CNKSR3: variants seen among roughly 807,000 people sequenced by gnomAD.
The protein encoded by CNKSR3 is connector enhancer of kinase suppressor of ras 3.
CNKSR3 carries 36 observed loss-of-function variants against 67.7 expected under a neutral mutation model. That is an observed-to-expected ratio of 0.53 (90% CI 0.41 to 0.70). The LOEUF is 0.70. Among genes scored for constraint, CNKSR3 ranks in the 30% least tolerant of loss-of-function variants. The probability of loss-of-function intolerance (pLI) is 0.00; values close to 1 mark genes in which losing one functional copy is unlikely to be tolerated. For missense variants in CNKSR3, 630 were observed against 695.2 expected (o/e 0.91, Z 1.05); for synonymous variants, 281 against 271.4 (o/e 1.04, Z -0.35).
rs1025378605 is a variant in CNKSR3, at chr6:154,406,151, C to T, written c.*203G>A. 2 of 580,530 alleles carry T rather than the reference C, an allele frequency of 3.4e-6. No homozygotes were observed. The highest frequency in any genetic ancestry group is 3.7e-5 in the African/African-American group (2 of 53,592). 36.0% of individuals were successfully genotyped at this position (580,530 alleles called of 1,614,324 possible). ...ACCCATTTCCCTCCTTTTGTCTCCA[C>T]AAGCCAGCACCTAAGATCCTCTGAA... On this transcript the variant is annotated 3_prime_UTR_variant, in exon 13 of 13. Coordinates refer to ENST00000607772, the MANE Select transcript of CNKSR3 (RefSeq NM_173515.4).
At position 154,422,955 on chromosome 6, in the gene CNKSR3, T is replaced by C; in HGVS notation, c.758A>G (p.His253Arg). The C allele has an allele frequency of 6.2e-7, 1 of 1,613,142 alleles. No individual in the cohort carries two copies. Among genetic ancestry groups the C allele is most frequent in the Non-Finnish European group, 8.5e-7 (1 of 1,179,358 alleles). ...NSPADRSQKI[H>R]AGDEVIQVNQ... ...AACTTGAATGACTTCGTCACCAGCA[T>C]GAATCTTCTGAGATCTGTCTGCAGG... is the stretch of plus-strand genomic sequence containing the variant. Residue 253 changes from histidine to arginine, a missense_variant, in exon 8 of 13, where the codon CAT becomes CGT. Physicochemically the swap from His to Arg is conservative, Grantham distance 29 (BLOSUM62 0). Transcript: ENST00000607772.
intron 1 of CNKSR3, among the ~76,000 whole-genome samples, chr6:154,501,943 A>G (rs1012630674): frequency 6.6e-5 from 10 of 152,210 alleles, no homozygotes; most frequent in African/African-American, 1.9e-4. Flanking sequence ...CTGTATAACA[A>G]CAAAAGGGTG....
intron 1 of CNKSR3, among the ~76,000 whole-genome samples, chr6:154,481,195 A>G (rs1786560104): frequency 6.6e-6 from 1 of 151,116 alleles, no homozygotes; most frequent in Admixed American, 6.6e-5. Flanking sequence ...AGTCAGTTCT[A>G]ATTTATTTGA....
chr6:154,503,476 T>A (rs1181579389), intron 1 of CNKSR3, among the ~76,000 whole-genome samples: 1 of 151,880 alleles, frequency 6.6e-6, no homozygotes, highest in Admixed American at 6.6e-5. Flanking sequence ...ATTTTTTTTT[T>A]AATTAGCCAG....
chr6:154,510,178 C>G lies in CNKSR3; in HGVS notation c.-64G>C. 6.3e-7 allele frequency: 1 copy of G among 1,596,706 alleles called. No homozygotes were observed. The highest frequency in any genetic ancestry group is 8.6e-7 in the Non-Finnish European group (1 of 1,165,636). ...AGATAAAGTGCTGCTGCCTGCGCTC[C>G]GGTGCCCCTTCCCGGGAGGGCGCGC... On this transcript the variant is annotated 5_prime_UTR_variant, in exon 1 of 13. Coordinates refer to ENST00000607772, the MANE Select transcript of CNKSR3 (RefSeq NM_173515.4).
At chr6:154,461,437 A>G (rs995323078) in intron 1 of CNKSR3, among the ~76,000 whole-genome samples, 1 of 152,330 alleles carries the variant, frequency 6.6e-6, no homozygotes, top group South Asian at 2.1e-4. Flanking sequence ...AGATTAAACA[A>G]TTGTAAAATA....
chr6:154,438,338 C>T (rs751121127), intron 4 of CNKSR3, among the ~76,000 whole-genome samples: 1 of 151,958 alleles, frequency 6.6e-6, no homozygotes, highest in South Asian at 2.1e-4. Flanking sequence ...CATATTACTT[C>T]GTATACAAGT....
chr6:154,428,045 C>G, intron 7 of CNKSR3, 83 bp downstream of exon 7: 1 of 889,286 alleles, frequency 1.1e-6, no homozygotes, highest in Non-Finnish European at 1.9e-6. Context: ...AGCATGCACA[C>G]GTTTAAATTC....
intron 9 of CNKSR3, among the ~76,000 whole-genome samples, chr6:154,421,987 CTTTTT>C (rs34269095): frequency 3.1e-5 from 4 of 127,330 alleles, no homozygotes; most frequent in Admixed American, 8.1e-5. Flanking sequence ...TCATTTCATT[CTTTTT>C]TTTTTTTTTT....
chr6:154,427,981 C>T (rs549306632), intron 7 of CNKSR3, 147 bp downstream of exon 7: 1 of 622,900 alleles, frequency 1.6e-6, no homozygotes, highest in African/African-American at 1.8e-5. Flanking sequence ...ACAAGCAGTA[C>T]TCTATCAACA....
At position 154,399,079 on chromosome 6, in the gene CNKSR3, CA is replaced by C. The variant is rs746545116; in HGVS notation, c.*7274del. On this transcript the variant is annotated 3_prime_UTR_variant, in exon 13 of 13. Coordinates refer to ENST00000607772, the MANE Select transcript of CNKSR3 (RefSeq NM_173515.4). ...GGGCAACAAGACTGAAACTCCGTCT[CA>C]AAAAAAAAAAAAAAAGTGTGTCCAA... 15,889 of 112,666 alleles carry C rather than the reference CA, an allele frequency of 0.14. 989 individuals are homozygous for C. Among genetic ancestry groups the C allele is most frequent in the Admixed American group, 0.29 (3,482 of 11,946 alleles). The allele number at this position is 112,666 out of a possible 1,614,324, so 7.0% of individuals were successfully genotyped here. A position where few individuals can be genotyped will look rare whatever the true frequency, so the allele number is the denominator to read the frequency against.
intron 4 of CNKSR3, among the ~76,000 whole-genome samples, chr6:154,436,563 G>T (rs1025137577): frequency 6.6e-6 from 1 of 152,020 alleles, no homozygotes; most frequent in South Asian, 2.1e-4. Flanking sequence ...ATGTTGCCCA[G>T]GCTGGTCTCA....
At position 154,403,410 on chromosome 6, in the gene CNKSR3, A is replaced by G. The variant is rs1007423194; in HGVS notation, c.*2944T>C. 13 of 47,096 alleles carry G rather than the reference A, an allele frequency of 2.8e-4. No homozygotes were observed. The highest frequency in any genetic ancestry group is 6.1e-4 in the Admixed American group (2 of 3,286). The allele number at this position is 47,096 out of a possible 1,614,324, so 2.9% of individuals were successfully genotyped here. On this transcript the variant is annotated 3_prime_UTR_variant, in exon 13 of 13. Coordinates refer to ENST00000607772, the MANE Select transcript of CNKSR3 (RefSeq NM_173515.4). ...GTGACAGAGTGAGAATCTGTCTCAG[A>G]AAAAAAAAAAAATTTTTTTTAAAGA... is the stretch of plus-strand genomic sequence containing the variant.
chr6:154,415,227 C>CTTTTTTTTTTTTTTTTTTTTTTTTT lies in CNKSR3; in HGVS notation c.946-805_946-804insAAAAAAAAAAAAAAAAAAAAAAAAA, dbSNP rs773533317. Among the ~76,000 whole-genome samples the CTTTTTTTTTTTTTTTTTTTTTTTTT allele has an allele frequency of 3.2e-4, 36 of 112,774 alleles. 5 individuals are homozygous for CTTTTTTTTTTTTTTTTTTTTTTTTT. Among genetic ancestry groups the CTTTTTTTTTTTTTTTTTTTTTTTTT allele is most frequent in the South Asian group, 9.2e-4 (3 of 3,244 alleles). The allele number at this position is 112,774 out of a possible 152,430, so 74.0% of individuals were successfully genotyped here. ...ATCCTGGCTAGACTTACTAGCTGCC[C>CTTTTTTTTTTTTTTTTTTTTTTTTT]ATTTTTTTTTTTTTTTTTTTTAAGA... is the stretch of plus-strand genomic sequence containing the variant. On this transcript the variant is annotated intron_variant, in intron 9 of 12. Coordinates refer to ENST00000607772, the MANE Select transcript of CNKSR3 (RefSeq NM_173515.4).
At position 154,392,469 on chromosome 6, in the gene CNKSR3, G is replaced by A. The variant is rs539941214; in HGVS notation, c.*13885C>T. 2 of 152,340 alleles carry A rather than the reference G, an allele frequency of 1.3e-5. No homozygotes were observed. The highest frequency in any genetic ancestry group is 3.9e-4 in the East Asian group (2 of 5,170). 9.4% of individuals were successfully genotyped at this position (152,340 alleles called of 1,614,324 possible). On this transcript the variant is annotated 3_prime_UTR_variant, in exon 13 of 13. Coordinates refer to ENST00000607772, the MANE Select transcript of CNKSR3 (RefSeq NM_173515.4). ...AGAGACCCTCTGCTGGGGATGCCTT[G>A]AGAAAAAGCAGTAGAAGGAGTGCAG...
chr6:154,435,343 A>G (rs1785450045), intron 4 of CNKSR3, among the ~76,000 whole-genome samples: 1 of 152,102 alleles, frequency 6.6e-6, no homozygotes, highest in Non-Finnish European at 1.5e-5. Context: ...GGAGACCATC[A>G]CCTAGAGGCA....
In CNKSR3 at chr6:154,430,586, C is replaced by T; in HGVS notation, c.555G>A (p.Lys185=). 1 of 1,607,092 alleles carries T rather than the reference C, an allele frequency of 6.2e-7. No individual in the cohort carries two copies. ...TTTTGTCACAGATGCCATTTAAAAC[C>T]TTGACCTAGAATTGGAGAAGCAAAT... ...EMEDKVLTVV[K]VLNGICDKTI... is the part of the protein sequence containing the mutation. Residue 185 remains lysine (K), a synonymous_variant, in exon 6 of 13, where the codon AAG becomes AAA. Coordinates refer to ENST00000607772, the MANE Select transcript of CNKSR3 (RefSeq NM_173515.4).
At chr6:154,504,185 A>G (rs990515596) in intron 1 of CNKSR3, among the ~76,000 whole-genome samples, 16 of 152,178 alleles carry the variant, frequency 1.1e-4, no homozygotes, top group Non-Finnish European at 2.4e-4. Flanking sequence ...ATATGGCTCA[A>G]ACTAATTTAC....
Position 154,467,030 on chromosome 6 carries a change from G to A in CNKSR3, c.53-16772C>T, listed in dbSNP as rs527487094. 2.0e-5 allele frequency among the ~76,000 whole-genome samples: 3 copies of A among 152,150 alleles called. No homozygotes were observed. The East Asian group carries it at 5.8e-4, about 29-fold the overall frequency. The stretch of plus-strand genomic sequence containing the variant: ...CAGGCAGGAGGCAGCAAAGAGGGAG[G>A]CAAAACTTTGGGGAAGAGGAAAAGC... On this transcript the variant is annotated intron_variant, in intron 1 of 12. Transcript: ENST00000607772.
Sources: gnomAD v4.1 joint callset for allele counts (sites outside exome capture counted in the v4.1 genomes callset) on GRCh38, gnomAD v4.1.1 for gene constraint, MANE v1.5 for transcripts, NCBI Gene and HGNC (gene_info 2026-07-23, HGNC 2026-07-21) for gene names.